The following PTPRD variants were observed in gnomAD, a reference collection of about 807,000 sequenced individuals.
The protein encoded by PTPRD is receptor-type tyrosine-protein phosphatase delta.
Under a neutral mutation model 214.5 loss-of-function variants are expected in PTPRD, and 34 were observed. The ratio of observed to expected loss-of-function variants is 0.16; its 90% CI spans 0.12 to 0.21. The LOEUF (loss-of-function observed/expected upper bound fraction) is 0.21. PTPRD is among the 10% of genes least tolerant of loss of function. PTPRD has a pLI of 1.00. For missense variants in PTPRD, 2,545 were observed against 2,398.7 expected (o/e 1.06, Z -1.27); for synonymous variants, 1,128 against 845.7 (o/e 1.33, Z -5.79).
chr9:8,329,936 G>A (rs551160013), intron 44 of PTPRD, among the ~76,000 whole-genome samples: 5 of 55,018 alleles, frequency 9.1e-5, no homozygotes, highest in Non-Finnish European at 8.2e-5. Context: ...CCAGTGGATC[G>A]TATCTTGCTG....
chr9:8,996,005 A>G (rs889979589), intron 11 of PTPRD, among the ~76,000 whole-genome samples: 4 of 152,126 alleles, frequency 2.6e-5, no homozygotes, highest in African/African-American at 7.2e-5. Flanking sequence ...TATTGCTGAT[A>G]TTAATTCAAA....
intron 5 of PTPRD, among the ~76,000 whole-genome samples, chr9:9,841,882 G>C (rs1292105369): frequency 2.6e-5 from 4 of 151,990 alleles, no homozygotes; most frequent in Non-Finnish European, 4.4e-5. Context: ...ATATCTGTTG[G>C]ATTTTTCTTC....
chr9:10,126,829 TACAA>T (rs1413767926), intron 3 of PTPRD, among the ~76,000 whole-genome samples: 1 of 152,102 alleles, frequency 6.6e-6, no homozygotes, highest in African/African-American at 2.4e-5. Context: ...GACGAAACTG[TACAA>T]ACAATGTGAT....
At chr9:9,065,367 T>C (rs899356736) in intron 10 of PTPRD, among the ~76,000 whole-genome samples, 1 of 152,156 alleles carries the variant, frequency 6.6e-6, no homozygotes, top group Non-Finnish European at 1.5e-5. Context: ...GGGAAGCATG[T>C]TCTGTGCAGA....
chr9:9,279,181 T>A (rs945906918), intron 9 of PTPRD, among the ~76,000 whole-genome samples: 2 of 150,778 alleles, frequency 1.3e-5, no homozygotes, highest in African/African-American at 4.9e-5. Flanking sequence ...TAATTTTGTA[T>A]GTATATATGT....
chr9:9,815,577 T>A (rs2821484), intron 5 of PTPRD, among the ~76,000 whole-genome samples: 86,002 of 151,922 alleles, frequency 0.57, 27,506 homozygotes, highest in East Asian at 0.88. Context: ...TGTAAAGAAA[T>A]CCTACAGACT....
At chr9:8,496,226 A>G (rs982873970) in intron 26 of PTPRD, among the ~76,000 whole-genome samples, 2 of 150,908 alleles carry the variant, frequency 1.3e-5, no homozygotes, top group Non-Finnish European at 1.5e-5. Flanking sequence ...ACACACACAC[A>G]CACACTTTTT....
chr9:10,164,951 C>G (rs527983172), intron 3 of PTPRD, among the ~76,000 whole-genome samples: 1 of 150,516 alleles, frequency 6.6e-6, no homozygotes, highest in Non-Finnish European at 1.5e-5. Context: ...AGCACTAGAC[C>G]TACACTTTAA....
intron 5 of PTPRD, among the ~76,000 whole-genome samples, chr9:9,808,488 C>A (rs191723555): frequency 1.1e-3 from 175 of 152,200 alleles, no homozygotes; most frequent in Middle Eastern, 3.4e-3. Context: ...ATATCACCAC[C>A]GTACCCGGAT....
chr9:9,834,822 T>A (rs1464470744), intron 5 of PTPRD, among the ~76,000 whole-genome samples: 1 of 152,072 alleles, frequency 6.6e-6, no homozygotes, highest in Non-Finnish European at 1.5e-5. Flanking sequence ...TAGATTAGCA[T>A]ATATTTAATT....
chr9:10,136,183 T>C (rs1564045497), intron 3 of PTPRD, among the ~76,000 whole-genome samples: 1 of 151,966 alleles, frequency 6.6e-6, no homozygotes, highest in African/African-American at 2.4e-5. Flanking sequence ...CAAGAACACC[T>C]AATTATCCTA....
chr9:10,254,005 T>G (rs952574341), intron 3 of PTPRD, among the ~76,000 whole-genome samples: 1 of 152,140 alleles, frequency 6.6e-6, no homozygotes, highest in African/African-American at 2.4e-5. Context: ...CATATGTAAT[T>G]ATGTTGAAAA....
At chr9:9,625,254 A>G (rs2095383840) in intron 7 of PTPRD, among the ~76,000 whole-genome samples, 1 of 152,170 alleles carries the variant, frequency 6.6e-6, no homozygotes, top group Non-Finnish European at 1.5e-5. Context: ...GAGTGTGGAC[A>G]TGGGCAAGGG....
chr9:8,572,137 T>C (rs989556756), intron 14 of PTPRD, among the ~76,000 whole-genome samples: 2 of 152,256 alleles, frequency 1.3e-5, no homozygotes, highest in African/African-American at 4.8e-5. Flanking sequence ...TTAAATATAA[T>C]AGGCAAGTTC....
intron 9 of PTPRD, among the ~76,000 whole-genome samples, chr9:9,187,773 TA>T (rs1442490836): frequency 2.7e-5 from 4 of 150,320 alleles, no homozygotes; most frequent in African/African-American, 9.9e-5. Context: ...GACTAAAGAA[TA>T]AGAGGATTTT....
At chr9:10,202,234 G>C (rs2099428933) in intron 3 of PTPRD, among the ~76,000 whole-genome samples, 1 of 151,828 alleles carries the variant, frequency 6.6e-6, no homozygotes, top group African/African-American at 2.4e-5. Flanking sequence ...AGAGAGTTTG[G>C]GCTTATTACA....
In PTPRD at chr9:8,331,698, A is replaced by T. The variant is rs1454764516; in HGVS notation, c.5418T>A (p.Thr1806=). 2 of 1,613,160 alleles carry T rather than the reference A, an allele frequency of 1.2e-6. No homozygotes were observed. The highest frequency in any genetic ancestry group is 1.7e-6 in the Non-Finnish European group (2 of 1,179,654). ...QSRTVRQFQF[T]DWPEQGVPKS... ...TTGGCACTCCTTGCTCTGGCCAGTC[A>T]GTGAACTGGAACTGCCTTACTGTTC... Residue 1806 remains threonine (T), a synonymous_variant, in exon 44 of 46, where the codon ACT becomes ACA. Coordinates refer to ENST00000381196, the MANE Select transcript of PTPRD (RefSeq NM_002839.4).
chr9:8,334,848 A>G (rs1042351885), intron 43 of PTPRD, among the ~76,000 whole-genome samples: 7 of 133,942 alleles, frequency 5.2e-5, no homozygotes, highest in East Asian at 2.1e-4. Context: ...GATCCCACAC[A>G]AATACAAACT....
intron 7 of PTPRD, among the ~76,000 whole-genome samples, chr9:9,729,928 CATT>C (rs1206230814): frequency 6.6e-6 from 1 of 152,014 alleles, no homozygotes; most frequent in Non-Finnish European, 1.5e-5. Flanking sequence ...ATGTGCAAAG[CATT>C]ATCATATACT....
Sources: gnomAD v4.1 joint callset for allele counts (sites outside exome capture counted in the v4.1 genomes callset) on GRCh38, gnomAD v4.1.1 for gene constraint, MANE v1.5 for transcripts, NCBI Gene and HGNC (gene_info 2026-07-23, HGNC 2026-07-21) for gene names.